PVT1: variants seen among roughly 807,000 people sequenced by gnomAD.
The protein encoded by PVT1 is Pvt1 oncogene.
At chr8:127,843,977 C>G (rs904999751) in intron 2 of PVT1, among the ~76,000 whole-genome samples, 1 of 151,584 alleles carries the variant, frequency 6.6e-6, no homozygotes, top group Non-Finnish European at 1.5e-5. Context: ...TGATGCATGT[C>G]TACATTATTA....
intron 5 of PVT1, among the ~76,000 whole-genome samples, chr8:128,073,068 G>T (rs539443969): frequency 1.3e-5 from 2 of 151,836 alleles, no homozygotes; most frequent in African/African-American, 2.4e-5. Context: ...TCCTGACCTC[G>T]AGTGATCTGC....
At chr8:128,045,600 AT>A (rs1319290152) in intron 4 of PVT1, among the ~76,000 whole-genome samples, 1 of 152,166 alleles carries the variant, frequency 6.6e-6, no homozygotes, top group East Asian at 1.9e-4. Flanking sequence ...ATTTGTTGGT[AT>A]TTTCTACCCT....
intron 2 of PVT1, among the ~76,000 whole-genome samples, chr8:127,801,076 G>A (rs1029888306): frequency 5.3e-5 from 8 of 152,158 alleles, no homozygotes; most frequent in African/African-American, 7.2e-5. Context: ...AGCCTGTGGG[G>A]GTGAGGAGCA....
chr8:127,892,540 G>T (rs570380667), intron 3 of PVT1, among the ~76,000 whole-genome samples: 1 of 152,306 alleles, frequency 6.6e-6, no homozygotes, highest in African/African-American at 2.4e-5. Flanking sequence ...CCATTATACA[G>T]TTGAGCGCCT....
intron 2 of PVT1, among the ~76,000 whole-genome samples, chr8:127,806,062 A>G (rs7841347): frequency 0.48 from 73,616 of 152,060 alleles, 18,211 homozygotes; most frequent in African/African-American, 0.54. Context: ...ACATTACAAA[A>G]CACTAATATC....
chr8:127,936,034 C>CTTTTT (rs937905808), intron 3 of PVT1, among the ~76,000 whole-genome samples: 4 of 101,268 alleles, frequency 3.9e-5, no homozygotes, highest in African/African-American at 1.7e-4. Context: ...CTCTCTCTCT[C>CTTTTT]TTTTTTTTTT....
At chr8:128,081,341 G>T (rs143821075) in intron 5 of PVT1, among the ~76,000 whole-genome samples, 167 of 152,266 alleles carry the variant, frequency 1.1e-3, no homozygotes, top group African/African-American at 3.9e-3. Flanking sequence ...ACAAATAAAG[G>T]TGCTACAGAC....
chr8:128,072,713 G>C lies in PVT1; in HGVS notation n.1114+2352G>C, dbSNP rs149051156. On this transcript the variant is annotated intron_variant and non_coding_transcript_variant, in intron 5 of 10. Coordinates refer to ENST00000651587, the Ensembl canonical transcript of PVT1. ...GCACCGCTGGTGTTTTTAGAAGGCT[G>C]GTTAACCACAGTGCCTAGCGGTTTG... Among the ~76,000 whole-genome samples, 219 of 152,294 alleles carry C rather than the reference G, an allele frequency of 1.4e-3. 2 individuals are homozygous for C. Among genetic ancestry groups the C allele is most frequent in the African/African-American group, 5.1e-3 (212 of 41,556 alleles).
chr8:127,937,271 CTTTTCTTTTT>C (rs1272633215), intron 3 of PVT1, among the ~76,000 whole-genome samples: 118 of 125,230 alleles, frequency 9.4e-4, no homozygotes, highest in Middle Eastern at 4.2e-3. Context: ...TTTTTCTTTT[CTTTTCTTTTT>C]TTTTTAGACA....
chr8:127,804,895 A>AT (rs1433635318), intron 2 of PVT1, among the ~76,000 whole-genome samples: 1 of 129,004 alleles, frequency 7.8e-6, no homozygotes, highest in African/African-American at 2.9e-5. Context: ...GGACACAGGC[A>AT]TTTTTGAATA....
rs180703516 is a variant in PVT1, at chr8:127,827,421, G to A, written n.372+31350G>A. Among the ~76,000 whole-genome samples the A allele has an allele frequency of 2.1e-3, 313 of 152,238 alleles. 5 individuals are homozygous for A. The highest frequency in any genetic ancestry group is 3.4e-3 in the Middle Eastern group (1 of 294). On this transcript the variant is annotated intron_variant and non_coding_transcript_variant, in intron 2 of 10. Coordinates refer to ENST00000651587, the Ensembl canonical transcript of PVT1. ...GCCTCTGGTCCCCTGGCAGCCAACT[G>A]CTCCTCTGGTTCACCCCCTGGGGCT...
chr8:128,003,138 A>G (rs1817203167), intron 4 of PVT1, among the ~76,000 whole-genome samples: 1 of 141,048 alleles, frequency 7.1e-6, no homozygotes, highest in African/African-American at 2.6e-5. Context: ...AGTAGCTGGG[A>G]CTACAGGCAC....
chr8:127,813,560 C>T (rs1178503870), intron 2 of PVT1, among the ~76,000 whole-genome samples: 1 of 152,164 alleles, frequency 6.6e-6, no homozygotes, highest in African/African-American at 2.4e-5. Flanking sequence ...CCGCTTTTGT[C>T]TCCTCCCACT....
intron 3 of PVT1, among the ~76,000 whole-genome samples, chr8:127,897,883 GAA>G (rs1815704606): frequency 2.2e-5 from 2 of 91,380 alleles, no homozygotes; most frequent in Non-Finnish European, 3.7e-5. Context: ...AAGAAAGAAA[GAA>G]AGAAAGAAAG....
At chr8:127,930,539 A>G (rs1482940985) in intron 3 of PVT1, among the ~76,000 whole-genome samples, 1 of 152,202 alleles carries the variant, frequency 6.6e-6, no homozygotes, top group Non-Finnish European at 1.5e-5. Context: ...GACTTCAGCC[A>G]GGGAACATAA....
chr8:127,917,024 TAAG>T (rs1408994758), intron 3 of PVT1, among the ~76,000 whole-genome samples: 1 of 152,066 alleles, frequency 6.6e-6, no homozygotes, highest in Non-Finnish European at 1.5e-5. Context: ...TGCTAGAGTT[TAAG>T]TTTTCTCCTC....
intron 2 of PVT1, among the ~76,000 whole-genome samples, chr8:127,854,133 C>T (rs1408235729): frequency 6.9e-6 from 1 of 145,440 alleles, no homozygotes; most frequent in Non-Finnish European, 1.5e-5. Context: ...CTCACCCCTG[C>T]GGCAGCCGGG....
chr8:127,953,402 T>G (rs1816530783), intron 3 of PVT1, among the ~76,000 whole-genome samples: 1 of 152,170 alleles, frequency 6.6e-6, no homozygotes, highest in Non-Finnish European at 1.5e-5. Context: ...CACTCTTGTC[T>G]CCATCTGCAA....
At chr8:127,842,722 A>ACCCT (rs1005929922) in intron 2 of PVT1, among the ~76,000 whole-genome samples, 15 of 151,194 alleles carry the variant, frequency 9.9e-5, no homozygotes, top group African/African-American at 3.7e-4. Flanking sequence ...CTGTGCACCA[A>ACCCT]CCCTCCCTCT....
Sources: gnomAD v4.1 joint callset for allele counts (sites outside exome capture counted in the v4.1 genomes callset) on GRCh38, gnomAD v4.1.1 for gene constraint, MANE v1.5 for transcripts, NCBI Gene and HGNC (gene_info 2026-07-23, HGNC 2026-07-21) for gene names.